GNAI2: variants seen among roughly 807,000 people sequenced by gnomAD.
GNAI2 encodes G protein subunit alpha i2, also known as guanine nucleotide-binding protein G(i) subunit alpha-2.
In GNAI2, 4 loss-of-function variants were observed where a neutral mutation model predicts 36.8. The observed-to-expected ratio is 0.11, with a 90% CI of 0.05 to 0.25. GNAI2 has a LOEUF of 0.25. Ranked by LOEUF, GNAI2 falls within the 10% of genes least tolerant of loss-of-function variation. The pLI is 1.00. For synonymous variants in GNAI2, 194 were observed against 194.1 expected (o/e 1.00, Z 0.01); for missense variants, 230 against 481.3 (o/e 0.48, Z 4.89).
At chr3:50,251,500 C>G in intron 1 of GNAI2, 2 of 1,119,248 alleles carry the variant, frequency 1.8e-6, no homozygotes, top group Non-Finnish European at 2.2e-6. Context: ...CACTGTAGGT[C>G]TCCTAGATTC....
chr3:50,246,498 C>T (rs1417349510), intron 1 of GNAI2, among the ~76,000 whole-genome samples: 2 of 152,192 alleles, frequency 1.3e-5, no homozygotes, highest in Non-Finnish European at 2.9e-5. Flanking sequence ...TCCGGGCTGC[C>T]TTTGTGGTGG....
intron 7 of GNAI2, 48 bp downstream of exon 7, chr3:50,257,138 C>G: frequency 6.4e-7 from 1 of 1,565,618 alleles, no homozygotes; most frequent in East Asian, 2.3e-5. Context: ...CTTCTTGTCC[C>G]AAGTAGCCTA....
At chr3:50,246,790 G>A in intron 1 of GNAI2, 1 of 711,564 alleles carries the variant, frequency 1.4e-6, no homozygotes, top group South Asian at 2.2e-5. Flanking sequence ...AGTGAGCAAT[G>A]TCAGCAGTGA....
chr3:50,249,888 C>T (rs1486915499), intron 1 of GNAI2, among the ~76,000 whole-genome samples: 1 of 152,210 alleles, frequency 6.6e-6, no homozygotes, highest in African/African-American at 2.4e-5. Context: ...CTTGGCAAGG[C>T]CTGCCACCAT....
At position 50,236,499 on chromosome 3, in the gene GNAI2, C is replaced by A. The variant is rs77946516; in HGVS notation, c.118+46C>A. 1,025 of 1,555,300 alleles carry A rather than the reference C, an allele frequency of 6.6e-4. 7 individuals are homozygous for A. The African/African-American group carries it at 0.013, about 20-fold the overall frequency. ...GGGATCCTTGATTCCCAGCTCGAAT[C>A]CCCAGACAAGGACTTTGACCTCCCA... On this transcript the variant is annotated intron_variant, in intron 1 of 8. Coordinates refer to ENST00000313601, the MANE Select transcript of GNAI2 (RefSeq NM_002070.4). The surrounding 1 kb of genome is among the most constrained non-coding windows in gnomAD (Gnocchi z 4.0).
chr3:50,246,008 G>A (rs1700410921), intron 1 of GNAI2, among the ~76,000 whole-genome samples: 3 of 152,200 alleles, frequency 2.0e-5, no homozygotes, highest in African/African-American at 7.2e-5. Flanking sequence ...ACACACATGG[G>A]TGGGAGTGTT....
In GNAI2 at chr3:50,253,898, G is replaced by T. The variant is rs1234551046; in HGVS notation, c.464+714G>T. On this transcript the variant is annotated intron_variant, in intron 4 of 8. Transcript: ENST00000313601. This position sits in a 1 kb window ranked among gnomAD's most constrained non-coding sequence, Gnocchi z 4.2. ...AGCTCTGAAGGAGAGTCAGCCAGGG[G>T]AGGAGTGGATGAGGGGATTCCAGGC... Among the ~76,000 whole-genome samples, 4 of 152,182 alleles carry T rather than the reference G, an allele frequency of 2.6e-5. No individual in the cohort carries two copies. The highest frequency in any genetic ancestry group is 9.7e-5 in the African/African-American group (4 of 41,444).
Position 50,258,706 on chromosome 3 carries a change from A to C in GNAI2, c.*363A>C, listed in dbSNP as rs1700774596. Reference sequence around the variant, plus strand: ...CCCTGCTTCTCCAGCCTGGACCCCCAGCTTTGCCCAACACCAGCCCCTGCC... The same window carrying C: ...CCCTGCTTCTCCAGCCTGGACCCCCCGCTTTGCCCAACACCAGCCCCTGCC... On this transcript the variant is annotated 3_prime_UTR_variant, in exon 9 of 9. Coordinates refer to ENST00000313601, the MANE Select transcript of GNAI2 (RefSeq NM_002070.4). The C allele has an allele frequency of 2.8e-6, 1 of 352,868 alleles. No homozygotes were observed. Among genetic ancestry groups the C allele is most frequent in the Non-Finnish European group, 5.5e-6 (1 of 181,766 alleles). 21.9% of individuals were successfully genotyped at this position (352,868 alleles called of 1,614,324 possible).
At position 50,255,884 on chromosome 3, in the gene GNAI2, C is replaced by T. The variant is rs71326922; in HGVS notation, c.465-308C>T. Among the ~76,000 whole-genome samples the T allele has an allele frequency of 6.6e-6, 1 of 151,764 alleles. No individual in the cohort carries two copies. Among genetic ancestry groups the T allele is most frequent in the Non-Finnish European group, 1.5e-5 (1 of 67,922 alleles). Reference sequence around the variant, plus strand: ...TGGCCAACATGGTGAAACCCCGTCTCTACTAAAAATACAAAAATTAGCTGG... The same window carrying T: ...TGGCCAACATGGTGAAACCCCGTCTTTACTAAAAATACAAAAATTAGCTGG... On this transcript the variant is annotated intron_variant, in intron 4 of 8. Transcript: ENST00000313601. This position sits in a 1 kb window ranked among gnomAD's most constrained non-coding sequence, Gnocchi z 4.0.
upstream of GNAI2, chr3:50,227,391 G>T (rs1340456674): frequency 5.1e-6 from 2 of 391,734 alleles, no homozygotes; most frequent in Non-Finnish European, 9.1e-6. The surrounding 1 kb of genome is among the most constrained non-coding windows in gnomAD (Gnocchi z 5.9). Context: ...AGCGAGACAG[G>T]AGAGCAGGCA....
chr3:50,239,601 A>C (rs1002579845), intron 1 of GNAI2: 1 of 152,258 alleles, frequency 6.6e-6, no homozygotes, highest in Non-Finnish European at 1.5e-5. Flanking sequence ...GGCAGTTTGC[A>C]TACTGTGGGC....
chr3:50,244,292 G>A (rs1375633599), intron 1 of GNAI2, among the ~76,000 whole-genome samples: 1 of 152,192 alleles, frequency 6.6e-6, no homozygotes, highest in African/African-American at 2.4e-5. Flanking sequence ...GCCTCCCAGA[G>A]TGCTGGGATT....
chr3:50,233,448 C>A (rs1700104027), upstream of GNAI2, among the ~76,000 whole-genome samples: 3 of 152,162 alleles, frequency 2.0e-5, no homozygotes, highest in Non-Finnish European at 4.4e-5. Context: ...GAGCGAGGAT[C>A]AGCTCTCAAG....
chr3:50,236,472 C>T lies in GNAI2; in HGVS notation c.118+19C>T. The stretch of plus-strand genomic sequence containing the variant: ...CTGTTGGGTGAGGCCGCGTCCCGCA[C>T]TGGGATCCTTGATTCCCAGCTCGAA... On this transcript the variant is annotated intron_variant, in intron 1 of 8. Coordinates refer to ENST00000313601, the MANE Select transcript of GNAI2 (RefSeq NM_002070.4). The surrounding 1 kb of genome is among the most constrained non-coding windows in gnomAD (Gnocchi z 4.0). The T allele has an allele frequency of 6.4e-7, 1 of 1,571,100 alleles. No individual in the cohort carries two copies. The highest frequency in any genetic ancestry group is 2.5e-5 in the East Asian group (1 of 40,300).
At position 50,252,073 on chromosome 3, in the gene GNAI2, C is replaced by T; in HGVS notation, c.119-27C>T. 1 of 1,612,378 alleles carries T rather than the reference C, an allele frequency of 6.2e-7. No homozygotes were observed. Among genetic ancestry groups the T allele is most frequent in the South Asian group, 1.1e-5 (1 of 90,946 alleles). On this transcript the variant is annotated intron_variant, in intron 1 of 8. Transcript: ENST00000313601. The surrounding 1 kb of genome is among the most constrained non-coding windows in gnomAD (Gnocchi z 4.1). ...CTGTGGAGCCCCTCTGGGCCTGCCC[C>T]CTGACCACCTGTGCCCTCTGTTCCA...
upstream of GNAI2, among the ~76,000 whole-genome samples, chr3:50,233,836 C>G (rs950756264): frequency 2.0e-5 from 3 of 151,430 alleles, no homozygotes; most frequent in African/African-American, 7.3e-5. Flanking sequence ...GCAGACACTC[C>G]AGGGAGAACA....
At position 50,236,214 on chromosome 3, in the gene GNAI2, A is replaced by C; in HGVS notation, c.-122A>C. 8.4e-7 allele frequency: 1 copy of C among 1,184,938 alleles called. No individual in the cohort carries two copies. The allele number at this position is 1,184,938 out of a possible 1,614,324, so 73.4% of individuals were successfully genotyped here. ...GAAGGCGCCTCCCGCAGTCGCTCGG[A>C]ACTGCCGACCCGAGTGCTTCCCGCA... On this transcript the variant is annotated 5_prime_UTR_variant, in exon 1 of 9. Coordinates refer to ENST00000313601, the MANE Select transcript of GNAI2 (RefSeq NM_002070.4). This position sits in a 1 kb window ranked among gnomAD's most constrained non-coding sequence, Gnocchi z 4.0.
intron 5 of GNAI2, 21 bp downstream of exon 5, chr3:50,256,341 G>T (rs372346600): frequency 2.5e-6 from 4 of 1,612,674 alleles, no homozygotes; most frequent in Non-Finnish European, 3.4e-6. Context: ...ATGTGGACAG[G>T]TGGGAGGGGC....
At chr3:50,227,344 G>A (rs1699993885), upstream of GNAI2, 3 of 428,082 alleles carry the variant, frequency 7.0e-6, no homozygotes, top group East Asian at 1.1e-4. The surrounding 1 kb of genome is among the most constrained non-coding windows in gnomAD (Gnocchi z 5.9). Context: ...CCAAGGAGTG[G>A]CAGGTCGGCG....
Sources: allele counts gnomAD v4.1 joint callset (sites outside exome capture counted in the v4.1 genomes callset), GRCh38; gene constraint gnomAD v4.1.1; non-coding constraint Gnocchi (gnomAD v3.1); transcripts MANE v1.5; gene names NCBI Gene and HGNC (gene_info 2026-07-23, HGNC 2026-07-21).